C1orf21: variants seen among roughly 807,000 people sequenced by gnomAD.
C1orf21 encodes the protein uncharacterized protein C1orf21.
Under a neutral mutation model 18.7 loss-of-function variants are expected in C1orf21, and 3 were observed. That is an observed-to-expected ratio of 0.16 (90% confidence interval 0.07 to 0.42). C1orf21 has a LOEUF of 0.42. Ranked by LOEUF, C1orf21 falls within the 10% of genes least tolerant of loss-of-function variation. The probability of loss-of-function intolerance (pLI) is 0.99; values close to 1 mark genes in which losing one functional copy is unlikely to be tolerated. For synonymous variants in C1orf21, 41 were observed against 46.4 expected, an observed-to-expected ratio of 0.88 and a Z score of 0.47; for missense variants, 104 against 143.6, an observed-to-expected ratio of 0.72 and a Z score of 1.41.
chr1:184,499,682 A>C (rs1317213141), intron 2 of C1orf21, among the ~76,000 whole-genome samples: 1 of 152,146 alleles, frequency 6.6e-6, no homozygotes, highest in Non-Finnish European at 1.5e-5. Flanking sequence ...AAAAAAAAAA[A>C]AACTGACTTG....
At chr1:184,469,191 A>T (rs540417369) in intron 1 of C1orf21, among the ~76,000 whole-genome samples, 63 of 152,320 alleles carry the variant, frequency 4.1e-4, no homozygotes, top group African/African-American at 1.5e-3. Flanking sequence ...CAGAGGTTTC[A>T]GTGAGCCGAG....
chr1:184,602,601 G>A (rs567849258), intron 5 of C1orf21, among the ~76,000 whole-genome samples: 1 of 152,256 alleles, frequency 6.6e-6, no homozygotes, highest in East Asian at 1.9e-4. Flanking sequence ...GAGCAAAATA[G>A]TGATTTTAAA....
chr1:184,593,217 G>C (rs1488293086), intron 4 of C1orf21, among the ~76,000 whole-genome samples: 1 of 152,068 alleles, frequency 6.6e-6, no homozygotes, highest in Non-Finnish European at 1.5e-5. Flanking sequence ...TCACAGACTG[G>C]CATGTGCTGA....
chr1:184,603,537 A>G (rs1659611980), intron 5 of C1orf21, among the ~76,000 whole-genome samples: 1 of 152,370 alleles, frequency 6.6e-6, no homozygotes, highest in Non-Finnish European at 1.5e-5. Context: ...GCTCACGCCT[A>G]TAATCCCAAC....
chr1:184,420,302 G>T (rs984453063), intron 1 of C1orf21, among the ~76,000 whole-genome samples: 1 of 151,644 alleles, frequency 6.6e-6, no homozygotes, highest in Non-Finnish European at 1.5e-5. Context: ...TTTGTGGGGG[G>T]GTGGGCTGGT....
chr1:184,627,203 G>A lies in C1orf21; in HGVS notation c.*7647G>A, dbSNP rs1660027801. The stretch of plus-strand genomic sequence containing the variant: ...GCTCTGCAGGTATGAGTCAGGGAAG[G>A]CTCAGAGACAAGCAGAATCTCTCTA... On this transcript the variant is annotated 3_prime_UTR_variant, in exon 6 of 6. Coordinates refer to ENST00000235307, the MANE Select transcript of C1orf21 (RefSeq NM_030806.4). 1 of 152,338 alleles carries A rather than the reference G, an allele frequency of 6.6e-6. No homozygotes were observed. The allele number at this position is 152,338 out of a possible 1,614,324, so 9.4% of individuals were successfully genotyped here.
chr1:184,477,426 C>T lies in C1orf21; in HGVS notation c.-84C>T. 2 of 1,138,784 alleles carry T rather than the reference C, an allele frequency of 1.8e-6. No individual in the cohort carries two copies. The highest frequency in any genetic ancestry group is 2.5e-6 in the Non-Finnish European group (2 of 785,282). The allele number at this position is 1,138,784 out of a possible 1,614,324, so 70.5% of individuals were successfully genotyped here. A position where few individuals can be genotyped will look rare whatever the true frequency, so the allele number is the denominator to read the frequency against. On this transcript the variant is annotated 5_prime_UTR_variant, in exon 2 of 6. Transcript: ENST00000235307. ...CCAACTCAGCAGCAAGGTGGATTTT[C>T]TTTGTGTTTAAAGAAAAAAAATGTC...
At chr1:184,388,393 T>G (rs1404856579) in intron 1 of C1orf21, among the ~76,000 whole-genome samples, 1 of 152,196 alleles carries the variant, frequency 6.6e-6, no homozygotes, top group Non-Finnish European at 1.5e-5. Context: ...CAATAGGAAG[T>G]CGGTGACCTA....
intron 1 of C1orf21, among the ~76,000 whole-genome samples, chr1:184,427,746 A>G (rs190019424): frequency 3.0e-4 from 46 of 152,320 alleles, no homozygotes; most frequent in African/African-American, 1.1e-3. Flanking sequence ...AGGCATTTAC[A>G]TCTTACCTTT....
intron 1 of C1orf21, among the ~76,000 whole-genome samples, chr1:184,421,603 C>T (rs567697826): frequency 5.3e-5 from 8 of 152,268 alleles, no homozygotes; most frequent in African/African-American, 1.7e-4. Flanking sequence ...AGAAAGTAAA[C>T]GTGACAGTTT....
intron 1 of C1orf21, among the ~76,000 whole-genome samples, chr1:184,390,498 C>T (rs1195290884): frequency 1.3e-5 from 2 of 152,244 alleles, no homozygotes; most frequent in Admixed American, 6.5e-5. Context: ...ATATTGACTA[C>T]GTAAATCTAC....
intron 3 of C1orf21, among the ~76,000 whole-genome samples, chr1:184,532,026 A>G (rs1658469247): frequency 6.6e-6 from 1 of 151,990 alleles, no homozygotes; most frequent in Non-Finnish European, 1.5e-5. Flanking sequence ...TGAACTTTTC[A>G]GACAATTTCA....
intron 1 of C1orf21, among the ~76,000 whole-genome samples, chr1:184,426,939 G>GT (rs1656646296): frequency 3.3e-5 from 5 of 152,160 alleles, no homozygotes; most frequent in African/African-American, 1.2e-4. Context: ...TGGGTACTTA[G>GT]GAGATTCATA....
At chr1:184,616,659 CAT>C (rs1659828195) in intron 5 of C1orf21, among the ~76,000 whole-genome samples, 1 of 152,006 alleles carries the variant, frequency 6.6e-6, no homozygotes, top group Admixed American at 6.6e-5. Context: ...TTCATGTATG[CAT>C]GTGTGTGCAT....
chr1:184,392,617 A>C (rs775157409), intron 1 of C1orf21, among the ~76,000 whole-genome samples: 2 of 152,128 alleles, frequency 1.3e-5, no homozygotes, highest in Non-Finnish European at 2.9e-5. Flanking sequence ...ACTGAAGTAA[A>C]GGAAAGTTGA....
At chr1:184,404,062 A>G (rs983693417) in intron 1 of C1orf21, among the ~76,000 whole-genome samples, 1 of 152,224 alleles carries the variant, frequency 6.6e-6, no homozygotes, top group Non-Finnish European at 1.5e-5. Context: ...ACATTAACTC[A>G]TTTAATCGGA....
chr1:184,424,614 G>A (rs549736338), intron 1 of C1orf21, among the ~76,000 whole-genome samples: 3 of 152,306 alleles, frequency 2.0e-5, no homozygotes, highest in African/African-American at 7.2e-5. Flanking sequence ...AAGAGAATGT[G>A]CCCGGCTCCA....
chr1:184,419,106 G>A (rs997243702), intron 1 of C1orf21, among the ~76,000 whole-genome samples: 5 of 151,964 alleles, frequency 3.3e-5, no homozygotes, highest in African/African-American at 1.2e-4. Context: ...AGGTAGAATG[G>A]GATGTCAAAC....
intron 3 of C1orf21, among the ~76,000 whole-genome samples, chr1:184,526,621 A>G (rs1026333183): frequency 6.6e-6 from 1 of 152,212 alleles, no homozygotes. Flanking sequence ...AACTCCAAGT[A>G]TATCTAATAA....
Sources: allele counts gnomAD v4.1 joint callset (sites outside exome capture counted in the v4.1 genomes callset), GRCh38; gene constraint gnomAD v4.1.1; transcripts MANE v1.5; gene names NCBI Gene and HGNC (gene_info 2026-07-23, HGNC 2026-07-21).